The following RASAL1 variants were observed in gnomAD, a reference collection of about 807,000 sequenced individuals.
The protein encoded by RASAL1 is RAS protein activator like 1, also known as rasGAP-activating-like protein 1.
Under a neutral mutation model 96.6 loss-of-function variants are expected in RASAL1, and 72 were observed. The observed-to-expected ratio is 0.75, with a 90% CI of 0.62 to 0.91. The LOEUF is 0.91. RASAL1 is among the 40% of genes least tolerant of loss of function. The pLI is 0.00. For synonymous variants in RASAL1, 405 were observed against 430.4 expected (o/e 0.94, Z 0.73); for missense variants, 1,016 against 1,072.5 (o/e 0.95, Z 0.74).
At chr12:113,104,349 T>G (rs765758244) in intron 16 of RASAL1, 51 bp from the exon 17 acceptor site, 2 of 1,492,372 alleles carry the variant, frequency 1.3e-6, no homozygotes, top group Non-Finnish European at 1.8e-6. Flanking sequence ...AGGGCCGGGG[T>G]GGGGACACCT....
chr12:113,105,765 G>A lies in RASAL1; in HGVS notation c.1779C>T (p.Tyr593=), dbSNP rs776361931. 1.7e-5 allele frequency: 28 copies of A among 1,613,950 alleles called. No homozygotes were observed. The highest frequency in any genetic ancestry group is 2.2e-5 in the East Asian group (1 of 44,896). Residue 593 remains tyrosine (Y), a synonymous_variant, in exon 16 of 21, where the codon TAC becomes TAT. Transcript: ENST00000548055. ...LATRFAFKKR[Y]VWLSGETLSF... ...AGAGGGTCTCCCCGCTGAGCCAGAC[G>A]TAGCGCTTCTTGAAGGCAAAGCGCG...
chr12:113,099,854 G>A lies in RASAL1; in HGVS notation c.*75C>T. Reference sequence around the variant, plus strand: ...ATCAAAGAGGTCCAAGGAGACAGGAGACTCCCGGGGCAGGATGCGCTGAAG... The same window carrying A: ...ATCAAAGAGGTCCAAGGAGACAGGAAACTCCCGGGGCAGGATGCGCTGAAG... On this transcript the variant is annotated 3_prime_UTR_variant, in exon 21 of 21. Coordinates refer to ENST00000548055, the MANE Select transcript of RASAL1 (RefSeq NM_001301202.2). 1 of 1,532,388 alleles carries A rather than the reference G, an allele frequency of 6.5e-7. No homozygotes were observed. Among genetic ancestry groups the A allele is most frequent in the African/African-American group, 1.4e-5 (1 of 72,678 alleles). The allele number at this position is 1,532,388 out of a possible 1,614,324, so 94.9% of individuals were successfully genotyped here.
At chr12:113,107,044 T>C (rs978163562) in intron 15 of RASAL1, 53 bp downstream of exon 15, 95 of 1,547,874 alleles carry the variant, frequency 6.1e-5, no homozygotes, top group Non-Finnish European at 7.6e-5. Flanking sequence ...AGTCCCTGAG[T>C]GGTGTCTCAA....
chr12:113,124,700 G>A (rs545212835), intron 4 of RASAL1, among the ~76,000 whole-genome samples: 3 of 152,276 alleles, frequency 2.0e-5, no homozygotes, highest in African/African-American at 7.2e-5. Flanking sequence ...TCATTCTGGT[G>A]GACACTTCAC....
At chr12:113,127,783 T>A (rs1157990752) in intron 4 of RASAL1, 29 bp downstream of exon 4, 2 of 1,593,280 alleles carry the variant, frequency 1.3e-6, no homozygotes, top group Non-Finnish European at 1.7e-6. Context: ...CATGGCCCCC[T>A]CCTCCCTCTG....
intron 1 of RASAL1, among the ~76,000 whole-genome samples, chr12:113,134,109 C>T (rs990795038): frequency 1.3e-5 from 2 of 148,724 alleles, no homozygotes; most frequent in African/African-American, 5.2e-5. Context: ...CCGTCTCATT[C>T]CCAGGGCCTC....
Position 113,135,476 on chromosome 12 carries a change from A to G in RASAL1, c.-14T>C. 6.2e-7 allele frequency: 1 copy of G among 1,600,976 alleles called. No homozygotes were observed. The highest frequency in any genetic ancestry group is 2.3e-5 in the East Asian group (1 of 44,006). On this transcript the variant is annotated 5_prime_UTR_variant, in exon 1 of 21. Coordinates refer to ENST00000548055, the MANE Select transcript of RASAL1 (RefSeq NM_001301202.2). The surrounding 1 kb of genome is among the most constrained non-coding windows in gnomAD (Gnocchi z 5.7). ...GCTCTTGGCCATGGCGCCTAGCCAC[A>G]AACTTTCCAGGCAGAAGGGCGCTCA...
intron 15 of RASAL1, among the ~76,000 whole-genome samples, chr12:113,106,230 C>T (rs981128513): frequency 1.3e-5 from 2 of 152,110 alleles, no homozygotes; most frequent in African/African-American, 4.8e-5. Context: ...GACACAGCCC[C>T]GCCACCCCAC....
intron 12 of RASAL1, among the ~76,000 whole-genome samples, chr12:113,114,299 C>A (rs527950611): frequency 6.6e-6 from 1 of 151,790 alleles, no homozygotes; most frequent in South Asian, 2.1e-4. Flanking sequence ...GTGGCAAAAC[C>A]CTGTCTCTGC....
chr12:113,107,676 T>C, intron 14 of RASAL1: 1 of 386,094 alleles, frequency 2.6e-6, no homozygotes, highest in South Asian at 2.1e-5. Flanking sequence ...GTGATGTCTG[T>C]TTCCCCTTCC....
intron 4 of RASAL1, among the ~76,000 whole-genome samples, chr12:113,122,234 C>G (rs140785723): frequency 1.3e-5 from 2 of 152,192 alleles, no homozygotes; most frequent in Non-Finnish European, 2.9e-5. Flanking sequence ...ACACTTCCCC[C>G]TGGTATAGAA....
chr12:113,127,692 C>T (rs1405897903), intron 4 of RASAL1, 120 bp downstream of exon 4: 1 of 830,868 alleles, frequency 1.2e-6, no homozygotes, highest in African/African-American at 1.7e-5. Flanking sequence ...AAGACAAAAG[C>T]AACAAGAGAA....
intron 12 of RASAL1, among the ~76,000 whole-genome samples, 200 bp downstream of exon 12, chr12:113,114,600 C>CA (rs1424250427): frequency 6.6e-6 from 1 of 152,224 alleles, no homozygotes; most frequent in African/African-American, 2.4e-5. Flanking sequence ...CGCTTAGCAT[C>CA]AGAGTCCTGA....
At chr12:113,105,156 G>C (rs748960550) in intron 16 of RASAL1, among the ~76,000 whole-genome samples, 13 of 152,188 alleles carry the variant, frequency 8.5e-5, no homozygotes, top group Non-Finnish European at 1.9e-4. Flanking sequence ...TCCCCATTCG[G>C]GAGATTCCAG....
At chr12:113,117,448 T>C (rs952016290) in intron 7 of RASAL1, among the ~76,000 whole-genome samples, 1 of 152,228 alleles carries the variant, frequency 6.6e-6, no homozygotes, top group Non-Finnish European at 1.5e-5. Flanking sequence ...AGAGATAGCA[T>C]GTCTGGACTG....
At chr12:113,119,313 C>G in intron 6 of RASAL1, 49 bp downstream of exon 6, 1 of 1,612,428 alleles carries the variant, frequency 6.2e-7, no homozygotes, top group Non-Finnish European at 8.5e-7. Flanking sequence ...GACTCCTGCC[C>G]CACCACCAAA....
intron 4 of RASAL1, among the ~76,000 whole-genome samples, chr12:113,126,727 C>CAA (rs1197864110): frequency 1.3e-5 from 2 of 149,316 alleles, no homozygotes; most frequent in African/African-American, 2.5e-5. Context: ...CACACACACA[C>CAA]AAAAGGCATA....
intron 4 of RASAL1, among the ~76,000 whole-genome samples, chr12:113,127,076 A>G (rs1307725582): frequency 1.3e-5 from 2 of 148,678 alleles, no homozygotes; most frequent in Non-Finnish European, 3.0e-5. Flanking sequence ...TTTAGTAGCA[A>G]TGGGGTCTCC....
rs1161069221 is a variant in RASAL1, at chr12:113,135,035, C to T, written c.65+363G>A. ...CCACGCCTGGAGGAGCCACCTCCAACATCTGCCTGGACTAAGGAAGAGACC... is the reference window on the plus strand; with the variant it reads ...CCACGCCTGGAGGAGCCACCTCCAATATCTGCCTGGACTAAGGAAGAGACC... On this transcript the variant is annotated intron_variant, in intron 1 of 20. Coordinates refer to ENST00000548055, the MANE Select transcript of RASAL1 (RefSeq NM_001301202.2). This position sits in a 1 kb window ranked among gnomAD's most constrained non-coding sequence, Gnocchi z 5.7. 6.6e-6 allele frequency among the ~76,000 whole-genome samples: 1 copy of T among 152,052 alleles called. No individual in the cohort carries two copies. Among genetic ancestry groups the T allele is most frequent in the Non-Finnish European group, 1.5e-5 (1 of 67,990 alleles).
Sources: gnomAD v4.1 joint callset for allele counts (sites outside exome capture counted in the v4.1 genomes callset) on GRCh38, gnomAD v4.1.1 for gene constraint, Gnocchi (gnomAD v3.1) non-coding constraint, MANE v1.5 for transcripts, NCBI Gene and HGNC (gene_info 2026-07-23, HGNC 2026-07-21) for gene names.